The following MUC4 variants were observed in gnomAD, a reference collection of about 807,000 sequenced individuals.
MUC4 encodes the protein mucin 4, cell surface associated, also known as mucin-4.
MUC4 carries 202 observed loss-of-function variants against 257.9 expected under a neutral mutation model. That is an observed-to-expected ratio of 0.78 (90% CI 0.70 to 0.88). The LOEUF (loss-of-function observed/expected upper bound fraction) is 0.88. Ranked by LOEUF, MUC4 falls within the 40% of genes least tolerant of loss-of-function variation. The probability of loss-of-function intolerance (pLI) is 0.00; values close to 1 mark genes in which losing one functional copy is unlikely to be tolerated. For synonymous variants in MUC4, 2,351 were observed against 2,757.1 expected (o/e 0.85, Z 4.62); for missense variants, 5,976 against 6,513.7 (o/e 0.92, Z 2.84).
At chr3:195,776,076 C>G (rs1724605077) in intron 3 of MUC4, among the ~76,000 whole-genome samples, 1 of 33,166 alleles carries the variant, frequency 3.0e-5, no homozygotes, top group African/African-American at 1.6e-4. Context: ...ACACCCTTAC[C>G]TTCCACACCC....
At position 195,778,474 on chromosome 3, in the gene MUC4, A is replaced by G; in HGVS notation, c.12791-19T>C. ...GTCATTCCTGGACACGTGAAAAGAC[A>G]AGGCGGGGTGTTTCTTACAGTAACA... On this transcript the variant is annotated intron_variant, in intron 2 of 24. Transcript: ENST00000463781. 6.2e-7 allele frequency: 1 copy of G among 1,609,966 alleles called. No homozygotes were observed. The highest frequency in any genetic ancestry group is 1.7e-4 in the Middle Eastern group (1 of 6,010).
rs769202489 is a variant in MUC4 at position 195,788,521 on chromosome 3, C to G, written c.3059G>C (p.Gly1020Ala). Residue 1020 changes from glycine to alanine, a missense_variant, in exon 2 of 25, where the codon GGT (glycine) becomes GCT (alanine). Physicochemically the swap from Gly to Ala is moderately conservative, Grantham distance 60. Coordinates refer to ENST00000463781, the MANE Select transcript of MUC4 (RefSeq NM_018406.7). ...GGTGACAGGAAGAGGGGTGGTGTGA[C>G]CTGTGGATACTGAGGAAGGGCTGGT... is the stretch of plus-strand genomic sequence containing the variant. ...PVTSPSSVST[G>A]HTTPLPVTDT... 1 of 1,483,194 alleles carries G rather than the reference C, an allele frequency of 6.7e-7. No individual in the cohort carries two copies. 91.9% of individuals were successfully genotyped at this position (1,483,194 alleles called of 1,614,324 possible). A position where few individuals can be genotyped will look rare whatever the true frequency, so the allele number is the denominator to read the frequency against.
chr3:195,803,882 T>C (rs1030770994), intron 1 of MUC4, among the ~76,000 whole-genome samples: 1 of 151,732 alleles, frequency 6.6e-6, no homozygotes, highest in Non-Finnish European at 1.5e-5. Flanking sequence ...GACTGCCACA[T>C]GCAGAGGGCT....
In MUC4 at chr3:195,775,964, C is replaced by G. The variant is rs1424497236; in HGVS notation, c.12944-1659G>C. On this transcript the variant is annotated intron_variant, in intron 3 of 24. Transcript: ENST00000463781. ...ACCTTCCACACCCATACCTTCCACA[C>G]CCATACCTTCCACATCCATACCTTC... 9.8e-3 allele frequency among the ~76,000 whole-genome samples: 285 copies of G among 29,004 alleles called. 1 individual carries two copies. Among genetic ancestry groups the G allele is most frequent in the Admixed American group, 0.015 (52 of 3,384 alleles). The allele number at this position is 29,004 out of a possible 152,430, so 19.0% of individuals were successfully genotyped here.
rs1488913985 is a variant in MUC4, at chr3:195,764,056, G to A, written c.14033C>T (p.Pro4678Leu). The change falls in exon 11 of 25, where the codon CCC becomes CTC. Residue 4678 changes from proline (P) to leucine (L), a missense_variant. Around this residue, in one of 44 missense-constraint regions of MUC4, gnomAD observed 996 missense variants for 1,137.3 expected, o/e 0.88. Transcript: ENST00000463781. ...GCCCTGTCGCTCACCGGGCTGTGGG[G>A]GCCTGTATGTAGCACAGCCCACGTG... ...RPHVGCATYR[P>L]PQPAWMFGDP... 3 of 1,610,668 alleles carry A rather than the reference G, an allele frequency of 1.9e-6. No homozygotes were observed. Among genetic ancestry groups the A allele is most frequent in the Non-Finnish European group, 1.7e-6 (2 of 1,179,040 alleles).
At position 195,749,001 on chromosome 3, in the gene MUC4, T is replaced by C; in HGVS notation, c.15935A>G (p.Tyr5312Cys). The C allele has an allele frequency of 6.2e-7, 1 of 1,609,924 alleles. No homozygotes were observed. Among genetic ancestry groups the C allele is most frequent in the Non-Finnish European group, 8.5e-7 (1 of 1,178,028 alleles). The change falls in exon 24 of 25, where the codon TAC becomes TGC. Residue 5312 changes from tyrosine (Y) to cysteine (C), a missense_variant. Tyr to Cys is a radical substitution (Grantham distance 194). This residue lies in a region of MUC4 where 310 missense variants were observed against 242.1 expected (regional missense o/e 1.28). Coordinates refer to ENST00000463781, the MANE Select transcript of MUC4 (RefSeq NM_018406.7). The part of the protein sequence containing the change: ...CDGYKGYDLV[Y>C]SPQSGFTCVS... ...GCAGGTGAAGCCGCTCTGGGGGCTGTAGACCAGGTCGTAGCCCTTGTAGCC... is the reference window on the plus strand; with the variant it reads ...GCAGGTGAAGCCGCTCTGGGGGCTGCAGACCAGGTCGTAGCCCTTGTAGCC...
intron 8 of MUC4, among the ~76,000 whole-genome samples, 164 bp from the exon 9 acceptor site, chr3:195,765,613 G>A (rs1578038628): frequency 1.3e-5 from 2 of 152,184 alleles, no homozygotes; most frequent in Non-Finnish European, 1.5e-5. Flanking sequence ...AAAGCCCCTC[G>A]CTTGACTTAG....
rs80145081 is a variant in MUC4 at position 195,783,861 on chromosome 3, G to C, written c.7719C>G (p.His2573Gln). The change falls in exon 2 of 25, where the codon CAC becomes CAG. Residue 2573 changes from histidine to glutamine, a missense_variant. Coordinates refer to ENST00000463781, the MANE Select transcript of MUC4 (RefSeq NM_018406.7). ...VTDTSAASTG[H>Q]ATPLPVTSTS... ...TGCTGGTGACAGGAAGAGGGGTGGC[G>C]TGACCTGTGGATGCTGCGGAAGTGT... The C allele has an allele frequency of 1.4e-3, 1,504 of 1,110,980 alleles. No individual in the cohort carries two copies. The highest frequency in any genetic ancestry group is 0.011 in the African/African-American group (383 of 35,042). The allele number at this position is 1,110,980 out of a possible 1,614,324, so 68.8% of individuals were successfully genotyped here. A position where few individuals can be genotyped will look rare whatever the true frequency, so the allele number is the denominator to read the frequency against.
chr3:195,757,464 T>A lies in MUC4; in HGVS notation c.14987-136A>T. ...AGACAAATCTCATTGGTCATTTCCT[T>A]TGAGCAAGGCTGGTATCGGGGGTGA... On this transcript the variant is annotated intron_variant, in intron 17 of 24. Transcript: ENST00000463781. This position sits in a 1 kb window ranked among gnomAD's most constrained non-coding sequence, Gnocchi z 4.8. 1.2e-6 allele frequency: 1 copy of A among 835,118 alleles called. No individual in the cohort carries two copies. The highest frequency in any genetic ancestry group is 1.9e-6 in the Non-Finnish European group (1 of 539,328). The allele number at this position is 835,118 out of a possible 1,614,324, so 51.7% of individuals were successfully genotyped here. A position where few individuals can be genotyped will look rare whatever the true frequency, so the allele number is the denominator to read the frequency against.
At chr3:195,763,676 CA>C in intron 11 of MUC4, 35 bp from the exon 12 acceptor site, 1 of 1,461,204 alleles carries the variant, frequency 6.8e-7, no homozygotes, top group Non-Finnish European at 9.1e-7. Flanking sequence ...CTCAGCATGA[CA>C]AATCATGTGT....
At chr3:195,795,398 T>C (rs1244807048) in intron 1 of MUC4, among the ~76,000 whole-genome samples, 1 of 152,134 alleles carries the variant, frequency 6.6e-6, no homozygotes, top group African/African-American at 2.4e-5. Context: ...GTGGCACAGC[T>C]CCATTTCAGC....
chr3:195,778,669 G>A (rs1273035123), intron 2 of MUC4, 121 bp downstream of exon 2: 3 of 1,319,294 alleles, frequency 2.3e-6, no homozygotes, highest in South Asian at 2.9e-5. Flanking sequence ...CTCCTCCCCT[G>A]TGGGACCTGA....
At chr3:195,774,907 A>AT (rs1724001674) in intron 3 of MUC4, among the ~76,000 whole-genome samples, 1 of 148,746 alleles carries the variant, frequency 6.7e-6, no homozygotes, top group Admixed American at 6.7e-5. Flanking sequence ...ATCTCAAAAA[A>AT]AAAAAAAAAA....
rs374917495 is a variant in MUC4 at position 195,778,843 on chromosome 3, G to A, written c.12737C>T (p.Ala4246Val). 12 of 1,611,906 alleles carry A rather than the reference G, an allele frequency of 7.4e-6. No homozygotes were observed. The South Asian group carries it at 1.1e-4, about 15-fold the overall frequency. Residue 4246 changes from alanine to valine, a missense_variant, in exon 2 of 25, where the codon GCT becomes GTT. Physicochemically the swap from Ala to Val is moderately conservative, Grantham distance 64 (BLOSUM62 0). Transcript: ENST00000463781. ...CGAGGATACTGTGGAAGCTGAGGTA[G>A]CACTGCTGACAGCAAGAGGGGTGGC... is the stretch of plus-strand genomic sequence containing the variant. Reference protein sequence around the residue: ...GHATPLAVSSATSASTVSSDS... With the variant: ...GHATPLAVSSVTSASTVSSDS...
intron 1 of MUC4, among the ~76,000 whole-genome samples, chr3:195,807,966 G>A (rs373958331): frequency 1.3e-5 from 2 of 152,228 alleles, no homozygotes; most frequent in Non-Finnish European, 2.9e-5. Context: ...GGCAGGGAGC[G>A]GTGAGGCAGA....
At chr3:195,794,052 G>A (rs1317119431) in intron 1 of MUC4, among the ~76,000 whole-genome samples, 1 of 151,092 alleles carries the variant, frequency 6.6e-6, no homozygotes, top group African/African-American at 2.4e-5. Flanking sequence ...AGACCAGCCT[G>A]GGCAAGATAG....
Position 195,779,763 on chromosome 3 carries a change from G to T in MUC4, c.11817C>A (p.Val3939=). Residue 3939 remains valine (V), a synonymous_variant, in exon 2 of 25, where the codon GTC becomes GTA. Coordinates refer to ENST00000463781, the MANE Select transcript of MUC4 (RefSeq NM_018406.7). Reference sequence around the variant, plus strand: ...CTGTGGATGCTGAGGAAGTGCTGGTGACAGGAAGAGGGGTGGCATGTCCTG... The same window carrying T: ...CTGTGGATGCTGAGGAAGTGCTGGTTACAGGAAGAGGGGTGGCATGTCCTG... ...ASTGHATPLP[V]TSTSSASTGD... is the part of the protein sequence containing the mutation. The T allele has an allele frequency of 8.3e-7, 1 of 1,201,662 alleles. No individual in the cohort carries two copies. Among genetic ancestry groups the T allele is most frequent in the Non-Finnish European group, 1.1e-6 (1 of 886,516 alleles). 74.4% of individuals were successfully genotyped at this position (1,201,662 alleles called of 1,614,324 possible).
At position 195,789,412 on chromosome 3, in the gene MUC4, G is replaced by C; in HGVS notation, c.2168C>G (p.Thr723Ser). Residue 723 changes from threonine (T) to serine (S), a missense_variant, in exon 2 of 25, where the codon ACC (threonine) becomes AGC (serine). By Grantham distance (58) the Thr-to-Ser change is moderately conservative. Around this residue, in one of 44 missense-constraint regions of MUC4, gnomAD observed 1,583 missense variants for 1,257.4 expected, o/e 1.26. Transcript: ENST00000463781. ...LQAAPSSHDA[T>S]LGPSGGTSLS... ...TGACGTGCCTCCTGAGGGCCCCAGG[G>C]TGGCATCATGGCTGCTGGGTGCTGC... 1 of 1,613,970 alleles carries C rather than the reference G, an allele frequency of 6.2e-7. No homozygotes were observed. Among genetic ancestry groups the C allele is most frequent in the Non-Finnish European group, 8.5e-7 (1 of 1,179,878 alleles).
At chr3:195,748,465 G>A (rs1301993452) in intron 24 of MUC4, among the ~76,000 whole-genome samples, 3 of 152,286 alleles carry the variant, frequency 2.0e-5, no homozygotes, top group Admixed American at 6.5e-5. Flanking sequence ...TCGGGAGGCT[G>A]AGGCAGGAGA....
Sources: gnomAD v4.1 joint callset for allele counts (sites outside exome capture counted in the v4.1 genomes callset) on GRCh38, gnomAD v4.1.1 for gene constraint, gnomAD v4.1.1 regional missense constraint, Gnocchi (gnomAD v3.1) non-coding constraint, MANE v1.5 for transcripts, NCBI Gene and HGNC (gene_info 2026-07-23, HGNC 2026-07-21) for gene names.